The following PALM variants were observed in gnomAD, a reference collection of about 807,000 sequenced individuals.
PALM encodes the protein paralemmin-1.
In PALM, 18 loss-of-function variants were observed where a neutral mutation model predicts 30.7. The ratio of observed to expected loss-of-function variants is 0.59; its 90% CI spans 0.41 to 0.87. The LOEUF (loss-of-function observed/expected upper bound fraction) is 0.87, where lower values mean the gene tolerates loss of function less well. Ranked by LOEUF, PALM falls within the 40% of genes least tolerant of loss-of-function variation. The pLI is 0.00. For missense variants in PALM, 529 were observed against 555.4 expected (o/e 0.95, Z 0.48); for synonymous variants, 286 against 242.8 (o/e 1.18, Z -1.66).
At chr19:716,057 C>T (rs1438255681) in intron 1 of PALM, among the ~76,000 whole-genome samples, 1 of 152,062 alleles carries the variant, frequency 6.6e-6, no homozygotes, top group Admixed American at 6.6e-5. Flanking sequence ...GAGCCAGTCA[C>T]CAGGACAGAG....
At chr19:738,992 C>T (rs1274158776) in intron 7 of PALM, among the ~76,000 whole-genome samples, 1 of 152,186 alleles carries the variant, frequency 6.6e-6, no homozygotes, top group African/African-American at 2.4e-5. Context: ...CAGCCCTGTT[C>T]AGCTCCCGCT....
At chr19:724,988 C>T (rs537192523) in intron 1 of PALM, among the ~76,000 whole-genome samples, 47 of 151,856 alleles carry the variant, frequency 3.1e-4, no homozygotes, top group African/African-American at 1.0e-3. Context: ...GGCGCGATCT[C>T]GGCTCACTGC....
At chr19:739,983 C>G (rs1342970523) in intron 7 of PALM, among the ~76,000 whole-genome samples, 1 of 152,136 alleles carries the variant, frequency 6.6e-6, no homozygotes, top group African/African-American at 2.4e-5. Flanking sequence ...TTAAAAAGAT[C>G]CGGGAACAAT....
At position 709,478 on chromosome 19, in the gene PALM, C is replaced by CCTCGGCT. The variant is rs1433401212; in HGVS notation, c.5+334_5+340dup. The stretch of plus-strand genomic sequence containing the variant: ...GCCCCGCCCGCGTCTCCAGGGCGAG[C>CCTCGGCT]CTCGGCTCTCGGCCACCTGTGGGTG... On this transcript the variant is annotated intron_variant, in intron 1 of 8. Coordinates refer to ENST00000338448, the MANE Select transcript of PALM (RefSeq NM_002579.3). This position sits in a 1 kb window ranked among gnomAD's most constrained non-coding sequence, Gnocchi z 4.3. 6.6e-6 allele frequency among the ~76,000 whole-genome samples: 1 copy of CCTCGGCT among 151,960 alleles called. No individual in the cohort carries two copies. Among genetic ancestry groups the CCTCGGCT allele is most frequent in the Admixed American group, 6.5e-5 (1 of 15,276 alleles).
At chr19:722,925 G>C (rs2032537605) in intron 1 of PALM, 1 of 152,398 alleles carries the variant, frequency 6.6e-6, no homozygotes, top group African/African-American at 2.4e-5. Flanking sequence ...TCACCTGCCA[G>C]GAAGGGAGGA....
At position 746,764 on chromosome 19, in the gene PALM, C is replaced by A; in HGVS notation, c.1114C>A (p.Gln372Lys). Residue 372 changes from glutamine (Q) to lysine (K), a missense_variant, in exon 9 of 9, where the codon CAG (glutamine) becomes AAG (lysine). Gln to Lys is a moderately conservative substitution (Grantham distance 53). Transcript: ENST00000338448. The surrounding 1 kb of genome is among the most constrained non-coding windows in gnomAD (Gnocchi z 7.1). ...AGPEATTSDP[Q>K]DLDMKKHRCK... ...GCCCGAGGCCACCACCAGCGACCCCCAGGACCTCGACATGAAGAAGCACCG... is the reference window on the plus strand; with the variant it reads ...GCCCGAGGCCACCACCAGCGACCCCAAGGACCTCGACATGAAGAAGCACCG... 2.5e-6 allele frequency: 4 copies of A among 1,591,220 alleles called. No individual in the cohort carries two copies. Among genetic ancestry groups the A allele is most frequent in the Non-Finnish European group, 3.4e-6 (4 of 1,173,356 alleles).
intron 1 of PALM, among the ~76,000 whole-genome samples, chr19:710,943 C>G (rs1307172325): frequency 6.6e-6 from 1 of 152,250 alleles, no homozygotes; most frequent in East Asian, 1.9e-4. Flanking sequence ...GTTCTTCTCC[C>G]CGGCGGGCTT....
chr19:744,348 C>T (rs1165390485), intron 8 of PALM, among the ~76,000 whole-genome samples: 8 of 146,612 alleles, frequency 5.5e-5, no homozygotes, highest in East Asian at 4.1e-4. Context: ...TGCAGTGAGC[C>T]GAGATGGCAC....
intron 1 of PALM, among the ~76,000 whole-genome samples, chr19:713,175 G>GC (rs1568217409): frequency 6.6e-6 from 1 of 151,652 alleles, no homozygotes; most frequent in Non-Finnish European, 1.5e-5. Flanking sequence ...GGTCTTGTGG[G>GC]GCGTGGTGGT....
intron 7 of PALM, among the ~76,000 whole-genome samples, chr19:739,444 C>G (rs1352957311): frequency 3.3e-5 from 5 of 152,098 alleles, no homozygotes; most frequent in Admixed American, 3.3e-4. Flanking sequence ...CTTTGGGAGG[C>G]TGAGGTGGGA....
At position 731,173 on chromosome 19, in the gene PALM, C is replaced by A; in HGVS notation, c.348C>A (p.Ser116Arg). ...ATAKENAAAP[S>R]PVRAPAPSPA... ...CCAAGGAGAACGCGGCGGCCCCGAG[C>A]CCAGTCCGGGCCCCAGCCCCGAGTC... Residue 116 changes from serine to arginine, a missense_variant, in exon 5 of 9, where the codon AGC becomes AGA. Ser to Arg is a moderately radical substitution (Grantham distance 110). Transcript: ENST00000338448. The A allele has an allele frequency of 6.2e-7, 1 of 1,609,958 alleles. No homozygotes were observed. The highest frequency in any genetic ancestry group is 8.5e-7 in the Non-Finnish European group (1 of 1,178,602).
rs141498224 is a variant in PALM at position 740,444 on chromosome 19, C to T, written c.595C>T (p.Leu199Phe). 3.2e-6 allele frequency: 5 copies of T among 1,552,522 alleles called. No individual in the cohort carries two copies. The highest frequency in any genetic ancestry group is 4.4e-6 in the Non-Finnish European group (5 of 1,147,634). The change falls in exon 8 of 9, where the codon CTC (leucine) becomes TTC (phenylalanine). Residue 199 changes from leucine to phenylalanine, a missense_variant. Leu to Phe is a conservative substitution (Grantham distance 22). Coordinates refer to ENST00000338448, the MANE Select transcript of PALM (RefSeq NM_002579.3). Reference protein sequence around the residue: ...SSTTLLPRQPLPLGIKVYEDE... With the variant: ...SSTTLLPRQPFPLGIKVYEDE... Reference sequence around the variant, plus strand: ...CACCACGCTGCTCCCTCGGCAGCCGCTCCCTCTGGGCATCAAAGTCTACGA... The same window carrying T: ...CACCACGCTGCTCCCTCGGCAGCCGTTCCCTCTGGGCATCAAAGTCTACGA...
At chr19:712,413 G>C (rs1442618930) in intron 1 of PALM, among the ~76,000 whole-genome samples, 1 of 151,350 alleles carries the variant, frequency 6.6e-6, no homozygotes, top group Non-Finnish European at 1.5e-5. Flanking sequence ...TTGAGACAGA[G>C]TCTTGCTCCA....
At chr19:731,055 G>C (rs10405821) in intron 4 of PALM, 40 bp from the exon 5 acceptor site, 605,299 of 1,387,072 alleles carry the variant, frequency 0.44, 133,732 homozygotes, top group African/African-American at 0.59. Context: ...GCCCCACCGG[G>C]GATGCAGGAG....
chr19:727,092 CGA>C lies in PALM; in HGVS notation c.138+6_138+7del, dbSNP rs951293022. The stretch of plus-strand genomic sequence containing the variant: ...GAGGCAGCTGCAGCACCTGAAGGTA[CGA>C]GCGGGGCAGGGACCCAGGGTCAGGG... On this transcript the variant is annotated splice_donor_5th_base_variant and intron_variant, in intron 3 of 8. Coordinates refer to ENST00000338448, the MANE Select transcript of PALM (RefSeq NM_002579.3). 7.2e-6 allele frequency: 11 copies of C among 1,531,266 alleles called. No homozygotes were observed. The highest frequency in any genetic ancestry group is 9.7e-6 in the Non-Finnish European group (11 of 1,132,288). The allele number at this position is 1,531,266 out of a possible 1,614,324, so 94.9% of individuals were successfully genotyped here.
chr19:723,013 T>A (rs1011137323), intron 1 of PALM: 3 of 151,486 alleles, frequency 2.0e-5, no homozygotes, highest in African/African-American at 7.3e-5. Flanking sequence ...CAAACCCGAG[T>A]GGGGTGGGCA....
At chr19:719,732 A>C (rs2032394794) in intron 1 of PALM, 1 of 680,198 alleles carries the variant, frequency 1.5e-6, no homozygotes, top group Non-Finnish European at 1.8e-6. Context: ...AGCCTCGCCG[A>C]TCACACGGGA....
Position 725,475 on chromosome 19 carries a change from C to T in PALM, c.6-663C>T, listed in dbSNP as rs565460542. ...ACTCAGGAAGCTGAGGCAGGAGAAT[C>T]GCTTGAACCCAGGAGGCGGAGGCTG... is the stretch of plus-strand genomic sequence containing the variant. On this transcript the variant is annotated intron_variant, in intron 1 of 8. Coordinates refer to ENST00000338448, the MANE Select transcript of PALM (RefSeq NM_002579.3). Among the ~76,000 whole-genome samples, 190 of 152,230 alleles carry T rather than the reference C, an allele frequency of 1.2e-3. 1 individual carries two copies. Among genetic ancestry groups the T allele is most frequent in the Non-Finnish European group, 1.8e-3 (122 of 68,008 alleles).
intron 6 of PALM, among the ~76,000 whole-genome samples, chr19:735,309 A>G (rs111467606): frequency 1.8e-3 from 123 of 66,928 alleles, no homozygotes; most frequent in African/African-American, 2.2e-3. Context: ...GCTTGTCTGG[A>G]TGTCTGGGGG....
Sources: allele counts gnomAD v4.1 joint callset (sites outside exome capture counted in the v4.1 genomes callset), GRCh38; gene constraint gnomAD v4.1.1; non-coding constraint Gnocchi (gnomAD v3.1); transcripts MANE v1.5; gene names NCBI Gene and HGNC (gene_info 2026-07-23, HGNC 2026-07-21).